ESRRG: variants seen among roughly 807,000 people sequenced by gnomAD.
ESRRG encodes the protein estrogen related receptor gamma, also known as estrogen-related receptor gamma.
ESRRG carries 13 observed loss-of-function variants against 44.0 expected under a neutral mutation model. The ratio of observed to expected loss-of-function variants is 0.30; its 90% CI spans 0.19 to 0.47. The LOEUF (loss-of-function observed/expected upper bound fraction) is 0.47, where lower values mean the gene tolerates loss of function less well. Among genes scored for constraint, ESRRG ranks in the 20% least tolerant of loss-of-function variants. The probability of loss-of-function intolerance (pLI) is 1.00; values close to 1 mark genes in which losing one functional copy is unlikely to be tolerated. For missense variants in ESRRG, 395 were observed against 580.6 expected, an observed-to-expected ratio of 0.68 and a Z score of 3.29; for synonymous variants, 215 against 214.6, an observed-to-expected ratio of 1.00 and a Z score of -0.02.
chr1:216,935,682 T>C (rs2064022417), intron 2 of ESRRG, among the ~76,000 whole-genome samples: 2 of 151,970 alleles, frequency 1.3e-5, no homozygotes, highest in Admixed American at 1.3e-4. Context: ...AGTGGAGTGA[T>C]CTTGGGTCAC....
chr1:217,134,937 A>C (rs527784920), intron 1 of ESRRG, among the ~76,000 whole-genome samples: 2 of 152,242 alleles, frequency 1.3e-5, no homozygotes, highest in Non-Finnish European at 2.9e-5. Flanking sequence ...AAGGTGCCGC[A>C]GCGCCCAGTT....
intron 6 of ESRRG, among the ~76,000 whole-genome samples, chr1:216,516,699 AGAAGCCCT>A: frequency 6.6e-6 from 1 of 151,576 alleles, no homozygotes; most frequent in Middle Eastern, 3.4e-3. Context: ...CAAAAAAAAT[AGAAGCCCT>A]TTAGGGTGTC....
chr1:216,670,859 C>G (rs4846620), intron 2 of ESRRG, among the ~76,000 whole-genome samples: 75,570 of 151,852 alleles, frequency 0.5, 19,196 homozygotes, highest in South Asian at 0.62. Context: ...TCTCCTTGCA[C>G]TGCCTCTCAC....
At chr1:217,026,559 G>A (rs1465774067) in intron 1 of ESRRG, among the ~76,000 whole-genome samples, 1 of 152,126 alleles carries the variant, frequency 6.6e-6, no homozygotes, top group African/African-American at 2.4e-5. Context: ...GTGAAATGGT[G>A]GAATGCTTCC....
intron 3 of ESRRG, among the ~76,000 whole-genome samples, chr1:216,648,859 A>T (rs1373586189): frequency 6.6e-6 from 1 of 152,096 alleles, no homozygotes; most frequent in South Asian, 2.1e-4. Flanking sequence ...ACTTGAAATC[A>T]CTCTTAATTC....
At chr1:216,812,757 T>A (rs1400002365) in intron 2 of ESRRG, among the ~76,000 whole-genome samples, 1 of 152,198 alleles carries the variant, frequency 6.6e-6, no homozygotes, top group East Asian at 1.9e-4. Flanking sequence ...TCATTACTAC[T>A]GTGATCATAT....
intron 1 of ESRRG, among the ~76,000 whole-genome samples, chr1:216,975,412 G>T (rs2072658020): frequency 6.6e-6 from 1 of 152,192 alleles, no homozygotes; most frequent in African/African-American, 2.4e-5. Flanking sequence ...AGGAAAACCA[G>T]AAAGTACAAA....
At position 216,912,252 on chromosome 1, in the gene ESRRG, AGAGGAGAGGAGAGGG is replaced by A. The variant is rs1473027615; in HGVS notation, c.-14+27315_-14+27329del. 8.2e-3 allele frequency among the ~76,000 whole-genome samples: 391 copies of A among 47,732 alleles called. 27 individuals carry two copies. Among genetic ancestry groups the A allele is most frequent in the African/African-American group, 0.026 (348 of 13,556 alleles). 31.3% of individuals were successfully genotyped at this position (47,732 alleles called of 152,430 possible). ...AGAGGAGAGGAGAGGAGAGGAGAGGAGAGGAGAGGAGAGGGGAGGGGAGGAGAGGGGAGGAGAGGA... is the reference window on the plus strand; with the variant it reads ...AGAGGAGAGGAGAGGAGAGGAGAGGAGAGGGGAGGAGAGGGGAGGAGAGGA... On this transcript the variant is annotated intron_variant, in intron 2 of 7. Coordinates refer to the ESRRG transcript ENST00000359162.
intron 1 of ESRRG, among the ~76,000 whole-genome samples, chr1:216,943,147 C>T (rs931753032): frequency 5.3e-5 from 8 of 152,254 alleles, no homozygotes; most frequent in East Asian, 1.9e-4. Flanking sequence ...TGCATTACAA[C>T]GTGAATGATC....
At chr1:216,709,532 A>G (rs866524859) in intron 1 of ESRRG, among the ~76,000 whole-genome samples, 6 of 152,078 alleles carry the variant, frequency 3.9e-5, no homozygotes, top group African/African-American at 1.4e-4. Context: ...AAAGAGAAAC[A>G]TACTTTTAAA....
rs1553774507 is a variant in ESRRG, at chr1:217,017,494, A to AAT, written c.-106+72012_-106+72013insAT. ...TACATAACTCAAAAAAAAAAAAAAAAAAAAGGAGAAAACCACTCCACTGTT... is the reference window on the plus strand; with the variant it reads ...TACATAACTCAAAAAAAAAAAAAAAAATAAAAGGAGAAAACCACTCCACTGTT... On this transcript the variant is annotated intron_variant, in intron 1 of 7. Coordinates refer to the ESRRG transcript ENST00000359162. Among the ~76,000 whole-genome samples the AAT allele has an allele frequency of 5.1e-4, 77 of 149,782 alleles. 2 individuals carry two copies. Among genetic ancestry groups the AAT allele is most frequent in the Middle Eastern group, 3.5e-3 (1 of 288 alleles).
chr1:216,946,853 C>T (rs1162582479), intron 1 of ESRRG, among the ~76,000 whole-genome samples: 2 of 152,014 alleles, frequency 1.3e-5, no homozygotes, highest in Non-Finnish European at 2.9e-5. Context: ...GCACCTACCA[C>T]CATGCCCAGC....
chr1:217,023,586 C>T (rs1331942424), intron 1 of ESRRG, among the ~76,000 whole-genome samples: 1 of 152,182 alleles, frequency 6.6e-6, no homozygotes, highest in Non-Finnish European at 1.5e-5. Context: ...ATTTATATAA[C>T]ATTAGCTGCA....
upstream of ESRRG, among the ~76,000 whole-genome samples, chr1:216,724,765 A>G (rs182925399): frequency 3.6e-3 from 555 of 152,268 alleles, 1 homozygote; most frequent in African/African-American, 0.012. Context: ...TCCATATAAC[A>G]AAGAGTTTGC....
At chr1:216,700,777 C>T (rs921632627) in intron 1 of ESRRG, among the ~76,000 whole-genome samples, 3 of 152,124 alleles carry the variant, frequency 2.0e-5, no homozygotes, top group African/African-American at 7.2e-5. Context: ...TTTGACATTT[C>T]CTTTAATATC....
chr1:217,097,385 A>C (rs1157233674), intron 1 of ESRRG, among the ~76,000 whole-genome samples: 1 of 152,228 alleles, frequency 6.6e-6, no homozygotes, highest in Non-Finnish European at 1.5e-5. Flanking sequence ...TCATTTCCCA[A>C]TCAGACTTAA....
intron 1 of ESRRG, among the ~76,000 whole-genome samples, chr1:216,952,420 A>G (rs2067129336): frequency 6.6e-6 from 1 of 152,154 alleles, no homozygotes; most frequent in African/African-American, 2.4e-5. Flanking sequence ...TATTCCCATG[A>G]TGAATGAGTT....
chr1:216,709,343 GTA>G (rs71163761), intron 1 of ESRRG, among the ~76,000 whole-genome samples: 4 of 145,386 alleles, frequency 2.8e-5, no homozygotes, highest in African/African-American at 1.0e-4. Context: ...GTGTGTGTGT[GTA>G]TATATATATA....
chr1:216,852,494 G>A (rs1299349908), intron 2 of ESRRG, among the ~76,000 whole-genome samples: 1 of 152,082 alleles, frequency 6.6e-6, no homozygotes, highest in African/African-American at 2.4e-5. Context: ...TACACATTTT[G>A]GCAATTTAGC....
Sources: allele counts gnomAD v4.1 joint callset (sites outside exome capture counted in the v4.1 genomes callset), GRCh38; gene constraint gnomAD v4.1.1; transcripts MANE v1.5; gene names NCBI Gene and HGNC (gene_info 2026-07-23, HGNC 2026-07-21).